Variants in HS3ST2 observed in about 807,000 individuals in gnomAD.
HS3ST2 encodes heparan sulfate-glucosamine 3-sulfotransferase 2.
A neutral mutation model predicts 26.3 loss-of-function variants in HS3ST2; 17 were observed. The ratio of observed to expected loss-of-function variants is 0.65; its 90% CI spans 0.44 to 0.97. The LOEUF is 0.97. Ranked by LOEUF, HS3ST2 falls within the 50% of genes least tolerant of loss-of-function variation. The pLI, the probability that HS3ST2 is intolerant of heterozygous loss-of-function variation, is 0.00. For missense variants in HS3ST2, 402 were observed against 501.2 expected (o/e 0.80, Z 1.89); for synonymous variants, 237 against 219.2 (o/e 1.08, Z -0.72).
At chr16:22,833,288 C>T in intron 1 of HS3ST2, 1 of 456,080 alleles carries the variant, frequency 2.2e-6, no homozygotes, top group South Asian at 1.5e-5. Flanking sequence ...GACTCAGACA[C>T]TACCTGTGTG....
chr16:22,839,236 G>T (rs569795146), intron 1 of HS3ST2, among the ~76,000 whole-genome samples: 1 of 152,322 alleles, frequency 6.6e-6, no homozygotes, highest in African/African-American at 2.4e-5. Context: ...CACCAGACGG[G>T]ATGGGGCAGG....
chr16:22,906,236 T>C (rs748733170), intron 1 of HS3ST2, among the ~76,000 whole-genome samples: 7 of 152,054 alleles, frequency 4.6e-5, no homozygotes, highest in Non-Finnish European at 8.8e-5. Flanking sequence ...CTGGGCATGG[T>C]GATGCACATC....
chr16:22,842,034 T>C, intron 1 of HS3ST2, among the ~76,000 whole-genome samples: 1 of 151,342 alleles, frequency 6.6e-6, no homozygotes. Context: ...TGGTGTTCTG[T>C]AATGTAATTT....
chr16:22,842,432 T>C (rs1901372277), intron 1 of HS3ST2, among the ~76,000 whole-genome samples: 1 of 152,202 alleles, frequency 6.6e-6, no homozygotes, highest in Non-Finnish European at 1.5e-5. Flanking sequence ...TTTTCAAGAA[T>C]ACAATGTATT....
intron 1 of HS3ST2, among the ~76,000 whole-genome samples, chr16:22,866,204 T>C (rs1313872008): frequency 1.3e-5 from 2 of 152,088 alleles, no homozygotes; most frequent in East Asian, 3.9e-4. Context: ...AGTCATTGTT[T>C]TGTGATTAGC....
intron 1 of HS3ST2, among the ~76,000 whole-genome samples, chr16:22,907,201 A>G (rs1404808146): frequency 6.6e-6 from 1 of 152,152 alleles, no homozygotes; most frequent in Non-Finnish European, 1.5e-5. Flanking sequence ...TGGGGAGAGG[A>G]TTTTATGTTC....
At chr16:22,864,821 A>G (rs1901726609) in intron 1 of HS3ST2, among the ~76,000 whole-genome samples, 1 of 148,124 alleles carries the variant, frequency 6.8e-6, no homozygotes, top group Non-Finnish European at 1.5e-5. Flanking sequence ...TGAGGCAGGA[A>G]GATCACTTGA....
intron 1 of HS3ST2, among the ~76,000 whole-genome samples, chr16:22,849,044 G>A (rs550895150): frequency 6.6e-5 from 10 of 152,214 alleles, no homozygotes; most frequent in Non-Finnish European, 1.5e-4. Context: ...TGCTTTGGGT[G>A]GGTGTTTTTA....
chr16:22,870,505 C>T (rs1239447027), intron 1 of HS3ST2, among the ~76,000 whole-genome samples: 1 of 152,104 alleles, frequency 6.6e-6, no homozygotes, highest in East Asian at 1.9e-4. Context: ...TCAGAGTAAA[C>T]GTTGAAGTCC....
At chr16:22,884,255 C>G (rs1184576520) in intron 1 of HS3ST2, among the ~76,000 whole-genome samples, 1 of 152,082 alleles carries the variant, frequency 6.6e-6, no homozygotes, top group Non-Finnish European at 1.5e-5. Context: ...TGTGACAACC[C>G]TATGAATTAT....
rs1355284194 is a variant in HS3ST2 at position 22,915,608 on chromosome 16, T to C, written c.*46T>C. The C allele has an allele frequency of 1.9e-6, 3 of 1,565,022 alleles. No individual in the cohort carries two copies. In the Admixed American group the frequency reaches 5.6e-5, roughly 29 times the overall value. ...CTCAAGGGCTCTTCTGCTCATCTCT[T>C]CCGTGAGATTTGCTCCCAGACCCTC... On this transcript the variant is annotated 3_prime_UTR_variant, in exon 2 of 2. Coordinates refer to ENST00000261374, the MANE Select transcript of HS3ST2 (RefSeq NM_006043.2).
At chr16:22,835,478 A>G (rs554879456) in intron 1 of HS3ST2, among the ~76,000 whole-genome samples, 3 of 152,176 alleles carry the variant, frequency 2.0e-5, no homozygotes, top group Non-Finnish European at 4.4e-5. Context: ...CAAAACAACA[A>G]TAACACGTCT....
At chr16:22,833,565 A>G (rs1272641835) in intron 1 of HS3ST2, 5 of 333,924 alleles carry the variant, frequency 1.5e-5, no homozygotes, top group African/African-American at 2.2e-5. Flanking sequence ...TGGGGAGTCT[A>G]CTACTCTAAA....
intron 1 of HS3ST2, among the ~76,000 whole-genome samples, chr16:22,873,679 G>A (rs1440026449): frequency 1.3e-5 from 2 of 152,126 alleles, no homozygotes; most frequent in Non-Finnish European, 2.9e-5. Flanking sequence ...CTTTTGTTGG[G>A]TAACAAACCA....
intron 1 of HS3ST2, among the ~76,000 whole-genome samples, chr16:22,909,839 A>G (rs1186888443): frequency 6.6e-6 from 1 of 152,186 alleles, no homozygotes; most frequent in Non-Finnish European, 1.5e-5. Context: ...CAGGAGTTCG[A>G]GACCAGCCTG....
At chr16:22,886,475 C>T (rs1902060788) in intron 1 of HS3ST2, among the ~76,000 whole-genome samples, 1 of 152,082 alleles carries the variant, frequency 6.6e-6, no homozygotes, top group Middle Eastern at 3.2e-3. Flanking sequence ...AAATAGACAG[C>T]GTGTAAGCCC....
At chr16:22,859,073 G>C (rs1462145364) in intron 1 of HS3ST2, among the ~76,000 whole-genome samples, 1 of 152,170 alleles carries the variant, frequency 6.6e-6, no homozygotes, top group Admixed American at 6.5e-5. Flanking sequence ...GGCTGAGGTG[G>C]GAGGATCCCT....
At chr16:22,897,289 G>A (rs1249572266) in intron 1 of HS3ST2, among the ~76,000 whole-genome samples, 2 of 151,898 alleles carry the variant, frequency 1.3e-5, no homozygotes, top group African/African-American at 2.4e-5. Context: ...GCCCCATGAG[G>A]GCAGCAAGTA....
rs1278017662 is a variant in HS3ST2, at chr16:22,882,525, G to A, written c.486-32419G>A. ...GAGACAGGCAGATCACTTGAGGTCA[G>A]GAGTTTGACACCAGCCTGGCCAGCA... On this transcript the variant is annotated intron_variant, in intron 1 of 1. Transcript: ENST00000261374. Among the ~76,000 whole-genome samples, 3 of 152,080 alleles carry A rather than the reference G, an allele frequency of 2.0e-5. No individual in the cohort carries two copies. In the East Asian group the frequency reaches 5.8e-4, roughly 29 times the overall value.
Sources: allele counts gnomAD v4.1 joint callset (sites outside exome capture counted in the v4.1 genomes callset), GRCh38; gene constraint gnomAD v4.1.1; transcripts MANE v1.5; gene names NCBI Gene and HGNC (gene_info 2026-07-23, HGNC 2026-07-21).